The following ATP13A5 variants were observed in gnomAD, a reference collection of about 807,000 sequenced individuals.
The protein encoded by ATP13A5 is probable cation-transporting ATPase 13A5.
ATP13A5 carries 149 observed loss-of-function variants against 150.2 expected under a neutral mutation model. That is an observed-to-expected ratio of 0.99 (90% CI 0.87 to 1.14). ATP13A5 has a LOEUF of 1.14. Among genes scored for constraint, ATP13A5 ranks in the 50% most tolerant of loss-of-function variants. The pLI, the probability that ATP13A5 is intolerant of heterozygous loss-of-function variation, is 0.00. For synonymous variants in ATP13A5, 497 were observed against 522.2 expected, an observed-to-expected ratio of 0.95 and a Z score of 0.66; for missense variants, 1,383 against 1,449.3, an observed-to-expected ratio of 0.95 and a Z score of 0.74.
chr3:193,278,971 A>G (rs568657763), intron 28 of ATP13A5, among the ~76,000 whole-genome samples: 15 of 152,314 alleles, frequency 9.8e-5, no homozygotes, highest in Admixed American at 9.8e-4. Context: ...CTGACAAAAC[A>G]TGACTGTCTT....
intron 25 of ATP13A5, among the ~76,000 whole-genome samples, chr3:193,294,141 C>G (rs900582572): frequency 6.6e-6 from 1 of 152,058 alleles, no homozygotes; most frequent in Non-Finnish European, 1.5e-5. Context: ...ATGAGGTCAG[C>G]TGTAGGGTGA....
chr3:193,307,009 C>A, intron 22 of ATP13A5: 1 of 713,422 alleles, frequency 1.4e-6, no homozygotes, highest in South Asian at 6.3e-5. Context: ...CTTGAGAAAT[C>A]ATTTCATTAC....
chr3:193,367,629 C>A (rs990158505), intron 1 of ATP13A5, among the ~76,000 whole-genome samples: 1 of 152,056 alleles, frequency 6.6e-6, no homozygotes, highest in South Asian at 2.1e-4. Flanking sequence ...TTTAGTACAT[C>A]ACTACCAAAT....
At chr3:193,298,453 A>G (rs1279804231) in intron 25 of ATP13A5, among the ~76,000 whole-genome samples, 4 of 152,144 alleles carry the variant, frequency 2.6e-5, no homozygotes, top group Admixed American at 6.6e-5. Context: ...GTGCTACATG[A>G]AATTCTCAAG....
At chr3:193,362,166 G>A (rs1012370559) in intron 5 of ATP13A5, among the ~76,000 whole-genome samples, 25 of 152,172 alleles carry the variant, frequency 1.6e-4, no homozygotes, top group African/African-American at 5.8e-4. Flanking sequence ...TGAGATAAAA[G>A]ATCAAATTTT....
intron 25 of ATP13A5, among the ~76,000 whole-genome samples, chr3:193,296,634 G>T (rs2108835217): frequency 6.6e-6 from 1 of 151,890 alleles, no homozygotes; most frequent in South Asian, 2.1e-4. Flanking sequence ...CTCCAGCTTT[G>T]TTCTTTTTGC....
At chr3:193,305,753 A>G (rs918165658) in intron 22 of ATP13A5, 85 bp from the exon 23 acceptor site, 1 of 1,124,714 alleles carries the variant, frequency 8.9e-7, no homozygotes, top group Non-Finnish European at 1.4e-6. Context: ...TCTTCACATC[A>G]TAAAGGTATA....
chr3:193,366,539 A>T (rs983966536), intron 1 of ATP13A5, among the ~76,000 whole-genome samples: 3 of 152,082 alleles, frequency 2.0e-5, no homozygotes, highest in Admixed American at 1.3e-4. Context: ...TAAAAGATCA[A>T]TTCAACAGGA....
chr3:193,340,619 G>C (rs1159389230), intron 9 of ATP13A5, among the ~76,000 whole-genome samples: 1 of 152,158 alleles, frequency 6.6e-6, no homozygotes, highest in Admixed American at 6.5e-5. Context: ...GAGGGAAGGG[G>C]ATTGCGGCAG....
intron 19 of ATP13A5, 28 bp from the exon 20 acceptor site, chr3:193,311,969 A>C (rs377303539): frequency 2.5e-5 from 41 of 1,611,946 alleles, no homozygotes; most frequent in Non-Finnish European, 3.2e-5. Flanking sequence ...TCATTTCTAC[A>C]TTGACTCCTA....
At chr3:193,346,671 A>G (rs1712350649) in intron 7 of ATP13A5, among the ~76,000 whole-genome samples, 1 of 152,198 alleles carries the variant, frequency 6.6e-6, no homozygotes, top group Non-Finnish European at 1.5e-5. Context: ...CCAGGCTAAG[A>G]CAAGCATTAC....
At chr3:193,362,915 C>T (rs1427093878) in intron 3 of ATP13A5, among the ~76,000 whole-genome samples, 2 of 152,114 alleles carry the variant, frequency 1.3e-5, no homozygotes, top group Non-Finnish European at 2.9e-5. Flanking sequence ...CTGCCTCAAC[C>T]TCCTGAGTAG....
chr3:193,320,896 G>A (rs1719245798), intron 16 of ATP13A5, among the ~76,000 whole-genome samples: 2 of 152,186 alleles, frequency 1.3e-5, no homozygotes, highest in Non-Finnish European at 2.9e-5. Context: ...AGATGAAATT[G>A]CTGTGAAAAT....
At chr3:193,322,136 G>C (rs1195356978) in intron 15 of ATP13A5, among the ~76,000 whole-genome samples, 3 of 152,090 alleles carry the variant, frequency 2.0e-5, no homozygotes, top group Non-Finnish European at 2.9e-5. Context: ...CCCATGTCAG[G>C]ACTCTTGAAA....
chr3:193,334,901 T>C (rs1304951796), intron 10 of ATP13A5, 28 bp downstream of exon 10: 1 of 1,595,096 alleles, frequency 6.3e-7, no homozygotes, highest in Non-Finnish European at 8.6e-7. Context: ...AAGCATGAAT[T>C]AAACTTACAA....
chr3:193,313,407 C>G (rs1718927200), intron 19 of ATP13A5: 1 of 152,190 alleles, frequency 6.6e-6, no homozygotes, highest in East Asian at 1.9e-4. Flanking sequence ...CACACAAAAG[C>G]ATGGGTGTTA....
intron 9 of ATP13A5, among the ~76,000 whole-genome samples, chr3:193,340,026 T>A (rs1369115531): frequency 6.6e-6 from 1 of 152,196 alleles, no homozygotes; most frequent in Non-Finnish European, 1.5e-5. Flanking sequence ...AGAAGCCTCA[T>A]GTTTTGGCCT....
rs749137331 is a variant in ATP13A5 at position 193,362,654 on chromosome 3, G to A, written c.385-17C>T. The A allele has an allele frequency of 1.2e-6, 2 of 1,612,654 alleles. No individual in the cohort carries two copies. The highest frequency in any genetic ancestry group is 2.2e-5 in the East Asian group (1 of 44,892). On this transcript the variant is annotated splice_polypyrimidine_tract_variant and intron_variant, in intron 3 of 29. Transcript: ENST00000342358. Reference sequence around the variant, plus strand: ...GCACCGCAGCTACGATTGCAAATGTGATAGAGCAGGTGTCATTCACAGCAT... The same window carrying A: ...GCACCGCAGCTACGATTGCAAATGTAATAGAGCAGGTGTCATTCACAGCAT...
At chr3:193,316,713 T>A (rs1290853632) in intron 17 of ATP13A5, among the ~76,000 whole-genome samples, 1 of 152,192 alleles carries the variant, frequency 6.6e-6, no homozygotes, top group Non-Finnish European at 1.5e-5. Flanking sequence ...ACATTTTGGA[T>A]GTTAATGTCT....
Sources: allele counts gnomAD v4.1 joint callset (sites outside exome capture counted in the v4.1 genomes callset), GRCh38; gene constraint gnomAD v4.1.1; transcripts MANE v1.5; gene names NCBI Gene and HGNC (gene_info 2026-07-23, HGNC 2026-07-21).